NOC2L: variants seen among roughly 807,000 people sequenced by gnomAD.
NOC2L encodes the protein nucleolar complex protein 2 homolog.
NOC2L carries 101 observed loss-of-function variants against 94.2 expected under a neutral mutation model. The ratio of observed to expected loss-of-function variants is 1.07; its 90% CI spans 0.91 to 1.26. The LOEUF (loss-of-function observed/expected upper bound fraction) is 1.26, where lower values mean the gene tolerates loss of function less well. Ranked by LOEUF, NOC2L falls within the 50% of genes most tolerant of loss-of-function variation. The pLI, the probability that NOC2L is intolerant of heterozygous loss-of-function variation, is 0.00. For synonymous variants in NOC2L, 531 were observed against 413.4 expected, an observed-to-expected ratio of 1.28 and a Z score of -3.45; for missense variants, 1,076 against 980.1, an observed-to-expected ratio of 1.10 and a Z score of -1.31.
intron 14 of NOC2L, chr1:946,757 C>CCTG: frequency 1.8e-6 from 1 of 562,814 alleles, no homozygotes; most frequent in Admixed American, 3.3e-5. Flanking sequence ...CACTACTCAC[C>CCTG]TCTGGAAATA....
chr1:949,959 G>A lies in NOC2L; in HGVS notation c.1443+1168C>T, dbSNP rs111366262. Among the ~76,000 whole-genome samples, 156 of 152,250 alleles carry A rather than the reference G, an allele frequency of 1.0e-3. 1 individual carries two copies. The highest frequency in any genetic ancestry group is 3.7e-3 in the African/African-American group (153 of 41,528). ...GAGAACTCATTAGATAAACAGGGTGGAGATCGTGAATTCCTAAATTTACAG... is the reference window on the plus strand; with the variant it reads ...GAGAACTCATTAGATAAACAGGGTGAAGATCGTGAATTCCTAAATTTACAG... On this transcript the variant is annotated intron_variant, in intron 12 of 18. Transcript: ENST00000327044.
At chr1:956,618 C>T (rs773293264) in intron 4 of NOC2L, among the ~76,000 whole-genome samples, 1 of 152,158 alleles carries the variant, frequency 6.6e-6, no homozygotes, top group African/African-American at 2.4e-5. Context: ...GCCAACAGAG[C>T]CCCTGGAATC....
In NOC2L at chr1:946,477, C is replaced by A; in HGVS notation, c.1728G>T (p.Lys576Asn). 6.2e-7 allele frequency: 1 copy of A among 1,613,328 alleles called. No individual in the cohort carries two copies. Reference sequence around the variant, plus strand: ...AGATGTATGCCGAGTTCTCCTGAACCTTCCCAAGCAGCTGCTGCACCTGCC... The same window carrying A: ...AGATGTATGCCGAGTTCTCCTGAACATTCCCAAGCAGCTGCTGCACCTGCC... Reference protein sequence around the residue: ...YCRQVQQLLGKVQENSAYICS... With the variant: ...YCRQVQQLLGNVQENSAYICS... Residue 576 changes from lysine to asparagine, a missense_variant, in exon 15 of 19, where the codon AAG becomes AAT. Coordinates refer to ENST00000327044, the MANE Select transcript of NOC2L (RefSeq NM_015658.4).
Position 945,141 on chromosome 1 carries a change from G to C in NOC2L, c.2059C>G (p.Leu687Val). Residue 687 changes from leucine to valine, a missense_variant, in exon 18 of 19, where the codon CTG becomes GTG. Coordinates refer to ENST00000327044, the MANE Select transcript of NOC2L (RefSeq NM_015658.4). ...DTEGFSERGILRPLSTRHGVE... is the reference protein window; with the variant it reads ...DTEGFSERGIVRPLSTRHGVE... ...CCATGCCGAGTGCTCAGGGGCCTCAGTATCCCTGAGGAACAAGAAGCAGAG... is the reference window on the plus strand; with the variant it reads ...CCATGCCGAGTGCTCAGGGGCCTCACTATCCCTGAGGAACAAGAAGCAGAG... The C allele has an allele frequency of 6.2e-7, 1 of 1,604,894 alleles. No homozygotes were observed. The highest frequency in any genetic ancestry group is 8.5e-7 in the Non-Finnish European group (1 of 1,175,452).
chr1:946,439 T>C lies in NOC2L; in HGVS notation c.1766A>G (p.Gln589Arg). ...ENSAYICSRRQRVSFGVSEQQ... is the reference protein window; with the variant it reads ...ENSAYICSRRRRVSFGVSEQQ... The stretch of plus-strand genomic sequence containing the variant: ...CTCAGAGACGCCGAAGGAAACCCTC[T>C]GGCGGCGGCTGCAGATGTATGCCGA... Residue 589 changes from glutamine (Q) to arginine (R), a missense_variant, in exon 15 of 19, where the codon CAG becomes CGG. Physicochemically the swap from Gln to Arg is conservative, Grantham distance 43. Coordinates refer to ENST00000327044, the MANE Select transcript of NOC2L (RefSeq NM_015658.4). The C allele has an allele frequency of 6.2e-7, 1 of 1,613,382 alleles. No homozygotes were observed. The highest frequency in any genetic ancestry group is 8.5e-7 in the Non-Finnish European group (1 of 1,180,014).
At chr1:959,121 G>A (rs1642506772) in intron 1 of NOC2L, 40 bp from the exon 2 acceptor site, 1 of 1,610,432 alleles carries the variant, frequency 6.2e-7, no homozygotes, top group Middle Eastern at 1.7e-4. Flanking sequence ...CGCACGCCCA[G>A]CTCGCCCCAG....
chr1:956,359 G>C, intron 4 of NOC2L, 144 bp from the exon 5 acceptor site: 1 of 873,362 alleles, frequency 1.1e-6, no homozygotes, highest in South Asian at 1.7e-5. Flanking sequence ...GCCCCATACT[G>C]ATAACAAAAA....
Position 948,039 on chromosome 1 carries a change from G to A in NOC2L, c.1659+92C>T, listed in dbSNP as rs528604420. 9.3e-5 allele frequency: 95 copies of A among 1,019,958 alleles called. No homozygotes were observed. The Admixed American group carries it at 1.5e-3, about 16-fold the overall frequency. 63.2% of individuals were successfully genotyped at this position (1,019,958 alleles called of 1,614,324 possible). ...GGTTCCACCCCAGTCCCAGGTACCC[G>A]GGACAAGGGCACCTCCTACCAGCCT... On this transcript the variant is annotated intron_variant, in intron 14 of 18. Transcript: ENST00000327044.
chr1:944,786 C>T lies in NOC2L; in HGVS notation c.2158G>A (p.Ala720Thr), dbSNP rs567016709. ...TCCCCAGGGGCCAGCCCCGCCTCTGCGTCTGGGTCTCCATCTGCGGGGAGA... is the reference window on the plus strand; with the variant it reads ...TCCCCAGGGGCCAGCCCCGCCTCTGTGTCTGGGTCTCCATCTGCGGGGAGA... ...SSNSEDGDPD[A>T]EAGLAPGELQ... Residue 720 changes from alanine (A) to threonine (T), a missense_variant, in exon 19 of 19, where the codon GCA becomes ACA. Transcript: ENST00000327044. 1.9e-5 allele frequency: 30 copies of T among 1,590,556 alleles called. No homozygotes were observed. In the African/African-American group the frequency reaches 3.0e-4, roughly 16 times the overall value.
chr1:953,304 C>G lies in NOC2L; in HGVS notation c.889-16G>C. ...TCACCATTCTCTGCAGAAGGTCAGA[C>G]GTCACTGGTGGCCCCCCAGCCTCCT... is the stretch of plus-strand genomic sequence containing the variant. On this transcript the variant is annotated splice_polypyrimidine_tract_variant and intron_variant, in intron 8 of 18. Coordinates refer to ENST00000327044, the MANE Select transcript of NOC2L (RefSeq NM_015658.4). The G allele has an allele frequency of 6.8e-7, 1 of 1,469,516 alleles. No homozygotes were observed. The highest frequency in any genetic ancestry group is 9.5e-7 in the Non-Finnish European group (1 of 1,049,400). The allele number at this position is 1,469,516 out of a possible 1,614,324, so 91.0% of individuals were successfully genotyped here.
chr1:953,055 G>T, intron 9 of NOC2L, 120 bp downstream of exon 9: 1 of 697,198 alleles, frequency 1.4e-6, no homozygotes, highest in Non-Finnish European at 2.6e-6. Context: ...GCCCAGGTCT[G>T]CTCAGAGCTG....
chr1:956,882 G>GCTGCTGCTCACCTTTGCTGC lies in NOC2L; in HGVS notation c.478_486+11dup, dbSNP rs1267784735. ...CTGGGCACCCAGCTGCCCGCCCCTG[G>GCTGCTGCTCACCTTTGCTGC]CTGCTGCTCACCTTTGCTGCCTGCT... On this transcript the variant is annotated intron_variant, in intron 4 of 18. Transcript: ENST00000327044. 3 of 1,612,982 alleles carry GCTGCTGCTCACCTTTGCTGC rather than the reference G, an allele frequency of 1.9e-6. 1 individual carries two copies. Among genetic ancestry groups the GCTGCTGCTCACCTTTGCTGC allele is most frequent in the East Asian group, 2.2e-5 (1 of 44,894 alleles).
Position 957,038 on chromosome 1 carries a change from G to A in NOC2L, c.355-13C>T. The A allele has an allele frequency of 2.5e-6, 4 of 1,614,082 alleles. No homozygotes were observed. Among genetic ancestry groups the A allele is most frequent in the Non-Finnish European group, 3.4e-6 (4 of 1,180,032 alleles). ...CCTCACTGGCTTCCTGCACAGAAAG[G>A]CTGAGCTGAAGGAGAGTGTAGAGAC... On this transcript the variant is annotated splice_polypyrimidine_tract_variant and intron_variant, in intron 3 of 18. Coordinates refer to ENST00000327044, the MANE Select transcript of NOC2L (RefSeq NM_015658.4).
intron 16 of NOC2L, 102 bp from the exon 17 acceptor site, chr1:945,755 C>T (rs548890575): frequency 2.8e-6 from 4 of 1,435,458 alleles, no homozygotes; most frequent in African/African-American, 2.8e-5. Flanking sequence ...CCCCATGTGG[C>T]CAATTTCTAG....
intron 12 of NOC2L, among the ~76,000 whole-genome samples, chr1:950,031 C>A (rs1218274663): frequency 6.6e-6 from 1 of 152,222 alleles, no homozygotes; most frequent in Non-Finnish European, 1.5e-5. Flanking sequence ...CTTCGGACTC[C>A]AATCTTTCCC....
In NOC2L at chr1:944,285, T is replaced by C; in HGVS notation, c.*409A>G. 8.4e-6 allele frequency: 12 copies of C among 1,425,846 alleles called. No homozygotes were observed. The highest frequency in any genetic ancestry group is 2.6e-5 in the East Asian group (1 of 38,402). The allele number at this position is 1,425,846 out of a possible 1,614,324, so 88.3% of individuals were successfully genotyped here. A position where few individuals can be genotyped will look rare whatever the true frequency, so the allele number is the denominator to read the frequency against. The stretch of plus-strand genomic sequence containing the variant: ...AAAAAATTTTAAAAGAAAATGTGAC[T>C]TCAAAGGAAAGGAACAAATTTTCAA... On this transcript the variant is annotated 3_prime_UTR_variant, in exon 19 of 19. Transcript: ENST00000327044.
chr1:956,086 C>A lies in NOC2L; in HGVS notation c.607+9G>T. 1.2e-6 allele frequency: 2 copies of A among 1,614,110 alleles called. No individual in the cohort carries two copies. Among genetic ancestry groups the A allele is most frequent in the South Asian group, 2.2e-5 (2 of 91,088 alleles). ...GACAGCCTGGATGCCAGGCTCCCCC[C>A]AAGCTCACCAGCACTGTCCGTGACC... On this transcript the variant is annotated intron_variant, in intron 5 of 18. Transcript: ENST00000327044.
At chr1:957,854 C>T (rs1642456685) in intron 2 of NOC2L, 1 of 158,292 alleles carries the variant, frequency 6.3e-6, no homozygotes, top group South Asian at 1.8e-4. Context: ...GGCTCTTCAT[C>T]ACCCTTCTGG....
intron 6 of NOC2L, among the ~76,000 whole-genome samples, 178 bp downstream of exon 6, chr1:955,745 G>A (rs1182832406): frequency 1.3e-5 from 2 of 152,122 alleles, no homozygotes; most frequent in Non-Finnish European, 2.9e-5. Flanking sequence ...GCTCCAACTG[G>A]CCCCAAGTGC....
Sources: gnomAD v4.1 joint callset for allele counts (sites outside exome capture counted in the v4.1 genomes callset) on GRCh38, gnomAD v4.1.1 for gene constraint, MANE v1.5 for transcripts, NCBI Gene and HGNC (gene_info 2026-07-23, HGNC 2026-07-21) for gene names.